The following JPH3 variants were observed in gnomAD, a reference collection of about 807,000 sequenced individuals.
JPH3 encodes the protein junctophilin-3.
Under a neutral mutation model 59.6 loss-of-function variants are expected in JPH3, and 11 were observed. The observed-to-expected ratio is 0.18, with a 90% CI of 0.12 to 0.31. JPH3 has a LOEUF of 0.31. Among genes scored for constraint, JPH3 ranks in the 10% least tolerant of loss-of-function variants. The pLI, the probability that JPH3 is intolerant of heterozygous loss-of-function variation, is 1.00. For synonymous variants in JPH3, 673 were observed against 483.6 expected (o/e 1.39, Z -5.14); for missense variants, 1,202 against 1,105.7 (o/e 1.09, Z -1.24).
intron 2 of JPH3, among the ~76,000 whole-genome samples, chr16:87,661,711 G>A (rs2032709329): frequency 6.6e-6 from 1 of 152,240 alleles, no homozygotes; most frequent in African/African-American, 2.4e-5. Context: ...CAAGAGCAGG[G>A]TCAGCACCTC....
In JPH3 at chr16:87,689,987, C is replaced by T. The variant is rs1244776735; in HGVS notation, c.1627C>T (p.Arg543Cys). The change falls in exon 4 of 5, where the codon CGC becomes TGC. Residue 543 changes from arginine (R) to cysteine (C), a missense_variant. Physicochemically the swap from Arg to Cys is radical, Grantham distance 180 (BLOSUM62 -3). Transcript: ENST00000284262. ...GCAGGCCGGGGGCTCCAGGGGTGTC[C>T]GCAGCGGTGCCCTGCGCGGCGGCCT... ...EEQAGGSRGVRSGALRGGLLV... is the reference protein window; with the variant it reads ...EEQAGGSRGVCSGALRGGLLV... 9 of 1,481,124 alleles carry T rather than the reference C, an allele frequency of 6.1e-6. No homozygotes were observed. The highest frequency in any genetic ancestry group is 4.8e-5 in the Admixed American group (2 of 41,778). 91.7% of individuals were successfully genotyped at this position (1,481,124 alleles called of 1,614,324 possible).
At chr16:87,677,183 TATACACACAC>T (rs1488083629) in intron 2 of JPH3, among the ~76,000 whole-genome samples, 2 of 75,896 alleles carry the variant, frequency 2.6e-5, no homozygotes, top group African/African-American at 5.5e-5. Context: ...ACTATATATA[TATACACACAC>T]ACACACACAC....
At chr16:87,624,296 C>G (rs908547863) in intron 1 of JPH3, among the ~76,000 whole-genome samples, 1 of 152,248 alleles carries the variant, frequency 6.6e-6, no homozygotes, top group Non-Finnish European at 1.5e-5. Context: ...AAGAAACCCT[C>G]TAGCTAGCTA....
intron 1 of JPH3, among the ~76,000 whole-genome samples, chr16:87,615,849 G>T (rs1360842351): frequency 6.6e-6 from 1 of 152,314 alleles, no homozygotes; most frequent in South Asian, 2.1e-4. Flanking sequence ...GGTCTGTTGG[G>T]GTCAGCCCCG....
intron 2 of JPH3, among the ~76,000 whole-genome samples, chr16:87,648,618 G>A (rs1458219989): frequency 6.6e-6 from 1 of 151,920 alleles, no homozygotes; most frequent in Non-Finnish European, 1.5e-5. Context: ...GGAGCTCGGA[G>A]AGACTGAGGT....
chr16:87,668,529 A>G (rs2032934066), intron 2 of JPH3, among the ~76,000 whole-genome samples: 1 of 152,124 alleles, frequency 6.6e-6, no homozygotes. Context: ...TGCATCTGTT[A>G]CACCAAATGC....
intron 2 of JPH3, among the ~76,000 whole-genome samples, chr16:87,669,440 C>A (rs536385659): frequency 6.6e-6 from 1 of 152,324 alleles, no homozygotes; most frequent in East Asian, 1.9e-4. Flanking sequence ...GCAACACACG[C>A]CTGGGGTTCC....
At chr16:87,669,184 G>C (rs1368837787) in intron 2 of JPH3, among the ~76,000 whole-genome samples, 1 of 152,158 alleles carries the variant, frequency 6.6e-6, no homozygotes, top group Non-Finnish European at 1.5e-5. Context: ...TCTGCTCTAG[G>C]GCCAGGTGGT....
chr16:87,653,130 C>A (rs1421424851), intron 2 of JPH3, among the ~76,000 whole-genome samples: 1 of 152,190 alleles, frequency 6.6e-6, no homozygotes, highest in African/African-American at 2.4e-5. Flanking sequence ...CTCTCACATT[C>A]TTCACACCCA....
At chr16:87,696,210 G>A (rs1385513326) in intron 4 of JPH3, 1 of 442,030 alleles carries the variant, frequency 2.3e-6, no homozygotes, top group Admixed American at 2.6e-5. Flanking sequence ...CAGGGCAGGA[G>A]AAGCCTGCTG....
In JPH3 at chr16:87,644,661, C is replaced by T. The variant is rs1449291192; in HGVS notation, c.786C>T (p.Ser262=). 6.2e-7 allele frequency: 1 copy of T among 1,611,834 alleles called. No homozygotes were observed. The highest frequency in any genetic ancestry group is 8.5e-7 in the Non-Finnish European group (1 of 1,179,888). The change falls in exon 2 of 5, where the codon TCC becomes TCT. Residue 262 remains serine (S), a synonymous_variant. Coordinates refer to ENST00000284262, the MANE Select transcript of JPH3 (RefSeq NM_020655.4). ...TVSSTASDIH[S]TISLGEAEAE... is the part of the protein sequence containing the mutation. ...GCTCCACGGCCAGCGACATCCACTC[C>T]ACCATCAGCCTGGGCGAGGCTGAGG...
chr16:87,647,804 C>T (rs565524809), intron 2 of JPH3, among the ~76,000 whole-genome samples: 1 of 152,232 alleles, frequency 6.6e-6, no homozygotes, highest in Non-Finnish European at 1.5e-5. Context: ...AGGTGGAGGT[C>T]TCCAGGTCAC....
At position 87,603,429 on chromosome 16, in the gene JPH3, T is replaced by C; in HGVS notation, c.283T>C (p.Tyr95His). ...GEWTHGFKGRYGVRECAGNGA... is the reference protein window; with the variant it reads ...GEWTHGFKGRHGVRECAGNGA... ...GTGGACGCACGGATTCAAGGGGCGC[T>C]ACGGGGTGCGGGAGTGCGCGGGCAA... The change falls in exon 1 of 5, where the codon TAC (tyrosine) becomes CAC (histidine). Residue 95 changes from tyrosine to histidine, a missense_variant. Physicochemically the swap from Tyr to His is moderately conservative, Grantham distance 83. Coordinates refer to ENST00000284262, the MANE Select transcript of JPH3 (RefSeq NM_020655.4). 1.3e-6 allele frequency: 2 copies of C among 1,577,726 alleles called. No homozygotes were observed. The highest frequency in any genetic ancestry group is 1.7e-6 in the Non-Finnish European group (2 of 1,162,456).
At chr16:87,687,167 C>T (rs2033439028) in intron 3 of JPH3, among the ~76,000 whole-genome samples, 1 of 152,190 alleles carries the variant, frequency 6.6e-6, no homozygotes, top group African/African-American at 2.4e-5. Flanking sequence ...TTCTCGGCTG[C>T]TGGGGAGGGG....
intron 2 of JPH3, among the ~76,000 whole-genome samples, chr16:87,683,589 C>T (rs929065178): frequency 6.6e-6 from 1 of 151,920 alleles, no homozygotes; most frequent in South Asian, 2.1e-4. Flanking sequence ...CAGGCGTGAG[C>T]CACTGTGCCC....
intron 1 of JPH3, among the ~76,000 whole-genome samples, chr16:87,643,833 C>T (rs1030798020): frequency 3.4e-5 from 5 of 148,424 alleles, no homozygotes; most frequent in Admixed American, 6.8e-5. Flanking sequence ...ACGCAAACCT[C>T]ACCAGGTTTC....
chr16:87,603,044 G>A lies in JPH3; in HGVS notation c.-103G>A, dbSNP rs2030317869. 1 of 1,477,790 alleles carries A rather than the reference G, an allele frequency of 6.8e-7. No individual in the cohort carries two copies. Among genetic ancestry groups the A allele is most frequent in the African/African-American group, 1.4e-5 (1 of 70,194 alleles). The allele number at this position is 1,477,790 out of a possible 1,614,324, so 91.5% of individuals were successfully genotyped here. ...CCGGGGCCGCGTCCTCCTCTCCTCC[G>A]GAAAACGCTCGCGACCCAGGGCCGC... is the stretch of plus-strand genomic sequence containing the variant. On this transcript the variant is annotated 5_prime_UTR_variant, in exon 1 of 5. Transcript: ENST00000284262.
intron 1 of JPH3, among the ~76,000 whole-genome samples, chr16:87,638,060 C>T (rs2031816198): frequency 6.6e-6 from 1 of 152,140 alleles, no homozygotes; most frequent in Non-Finnish European, 1.5e-5. Flanking sequence ...GCTGGGACTA[C>T]AGGTGCCCGC....
intron 1 of JPH3, among the ~76,000 whole-genome samples, chr16:87,639,600 C>CCTCCCTCCTGTA (rs1597253437): frequency 2.7e-5 from 4 of 150,048 alleles, no homozygotes; most frequent in Non-Finnish European, 4.4e-5. Context: ...CACTGCCTGT[C>CCTCCCTCCTGTA]CTCCCTCCTG....
Sources: allele counts gnomAD v4.1 joint callset (sites outside exome capture counted in the v4.1 genomes callset), GRCh38; gene constraint gnomAD v4.1.1; transcripts MANE v1.5; gene names NCBI Gene and HGNC (gene_info 2026-07-23, HGNC 2026-07-21).